Variants in ZNFX1 observed in about 807,000 individuals in gnomAD.
ZNFX1 encodes zinc finger NFX1-type containing 1, also known as NFX1-type zinc finger-containing protein 1.
Under a neutral mutation model 179.8 loss-of-function variants are expected in ZNFX1, and 78 were observed. That is an observed-to-expected ratio of 0.43 (90% CI 0.36 to 0.52). The LOEUF (loss-of-function observed/expected upper bound fraction) is 0.52. ZNFX1 is among the 20% of genes least tolerant of loss of function. The pLI, the probability that ZNFX1 is intolerant of heterozygous loss-of-function variation, is 0.00. For synonymous variants in ZNFX1, 848 were observed against 868.5 expected, an observed-to-expected ratio of 0.98 and a Z score of 0.42; for missense variants, 1,927 against 2,386.6, an observed-to-expected ratio of 0.81 and a Z score of 4.01.
Position 49,247,920 on chromosome 20 carries a change from C to A in ZNFX1, c.5104G>T (p.Val1702Phe). The A allele has an allele frequency of 6.2e-7, 1 of 1,614,164 alleles. No homozygotes were observed. Among genetic ancestry groups the A allele is most frequent in the Non-Finnish European group, 8.5e-7 (1 of 1,180,030 alleles). Reference protein sequence around the residue: ...KNLSVKDLGLVENYISFYDHL... With the variant: ...KNLSVKDLGLFENYISFYDHL... ...TCATAGAAGCTGATGTAATTCTCAA[C>A]CAGACCCAGGTCCTTCACTGACAGA... The change falls in exon 14 of 14, where the codon GTT (valine) becomes TTT (phenylalanine). Residue 1702 changes from valine to phenylalanine, a missense_variant. Transcript: ENST00000396105.
chr20:49,274,814 AATG>A (rs1238534970), intron 2 of ZNFX1, among the ~76,000 whole-genome samples: 2 of 151,584 alleles, frequency 1.3e-5, no homozygotes, highest in African/African-American at 4.8e-5. Context: ...TACGTTTTAA[AATG>A]ATGTTTCTAG....
At position 49,248,953 on chromosome 20, in the gene ZNFX1, A is replaced by C; in HGVS notation, c.4071T>G (p.His1357Gln). The C allele has an allele frequency of 6.2e-7, 1 of 1,614,238 alleles. No homozygotes were observed. The highest frequency in any genetic ancestry group is 8.5e-7 in the Non-Finnish European group (1 of 1,180,032). ...GCACGGAACAAGGGACCATTTGTTCATGGCCGCACCGAGGAATGGTTTTGG... is the reference window on the plus strand; with the variant it reads ...GCACGGAACAAGGGACCATTTGTTCCTGGCCGCACCGAGGAATGGTTTTGG... Reference protein sequence around the residue: ...KVPKTIPRCGHEQMVPCSVPE... With the variant: ...KVPKTIPRCGQEQMVPCSVPE... Residue 1357 changes from histidine to glutamine, a missense_variant, in exon 14 of 14, where the codon CAT becomes CAG. Coordinates refer to ENST00000396105, the MANE Select transcript of ZNFX1 (RefSeq NM_021035.3). The surrounding 1 kb of genome is among the most constrained non-coding windows in gnomAD (Gnocchi z 4.6).
intron 5 of ZNFX1, among the ~76,000 whole-genome samples, chr20:49,263,701 G>A (rs1312039551): frequency 6.6e-6 from 1 of 152,212 alleles, no homozygotes; most frequent in Non-Finnish European, 1.5e-5. Context: ...TGTAATACCA[G>A]CATTTTAGGA....
In ZNFX1 at chr20:49,249,484, C is replaced by T; in HGVS notation, c.3540G>A (p.Arg1180=). The T allele has an allele frequency of 6.2e-7, 1 of 1,614,154 alleles. No individual in the cohort carries two copies. The highest frequency in any genetic ancestry group is 1.1e-5 in the South Asian group (1 of 91,082). The part of the protein sequence containing the change: ...LMPAKTFAGV[R]VHVVDKYQGE... ...CTTGGTATTTGTCCACAACATGGAC[C>T]CTGACGCCAGCAAATGTCTTGGCAG... The change falls in exon 14 of 14, where the codon AGG becomes AGA. Residue 1180 remains arginine (R), a synonymous_variant. Coordinates refer to ENST00000396105, the MANE Select transcript of ZNFX1 (RefSeq NM_021035.3).
At chr20:49,250,115 C>T (rs1170362775) in intron 13 of ZNFX1, among the ~76,000 whole-genome samples, 5 of 151,952 alleles carry the variant, frequency 3.3e-5, no homozygotes, top group African/African-American at 4.8e-5. Context: ...ATTAGCTGGG[C>T]GTGGTAGTGG....
intron 7 of ZNFX1, 77 bp downstream of exon 7, chr20:49,260,386 A>G: frequency 1.1e-6 from 1 of 910,352 alleles, no homozygotes; most frequent in Non-Finnish European, 1.6e-6. Context: ...TCTGGGAATT[A>G]TTTTTAAGTC....
Position 49,251,632 on chromosome 20 carries a change from CACAT to C in ZNFX1, c.3217-14_3217-11del, listed in dbSNP as rs778921795. 5.6e-6 allele frequency: 9 copies of C among 1,601,194 alleles called. No homozygotes were observed. In the East Asian group the frequency reaches 9.0e-5, roughly 16 times the overall value. Reference sequence around the variant, plus strand: ...CAGGGCACATACGGTGCTGAAAAAACACATGCATGTCATTAGAAACATGGGCAGA... The same window carrying C: ...CAGGGCACATACGGTGCTGAAAAAACGCATGTCATTAGAAACATGGGCAGA... On this transcript the variant is annotated splice_polypyrimidine_tract_variant and intron_variant, in intron 12 of 13. Transcript: ENST00000396105.
chr20:49,253,768 C>T lies in ZNFX1; in HGVS notation c.3003G>A (p.Arg1001=). ...CCGCAGCTTCTTCCACTATGACAATCCTCGGCTCCACCTTCTGTAGGATCT... is the reference window on the plus strand; with the variant it reads ...CCGCAGCTTCTTCCACTATGACAATTCTCGGCTCCACCTTCTGTAGGATCT... ...YRQILQKVEP[R]IVIVEEAAEV... is the part of the protein sequence containing the mutation. The change falls in exon 11 of 14, where the codon AGG becomes AGA. Residue 1001 remains arginine (R), a synonymous_variant. Coordinates refer to ENST00000396105, the MANE Select transcript of ZNFX1 (RefSeq NM_021035.3). The T allele has an allele frequency of 1.9e-6, 3 of 1,614,188 alleles. No homozygotes were observed. Among genetic ancestry groups the T allele is most frequent in the Non-Finnish European group, 2.5e-6 (3 of 1,180,034 alleles).
rs748548111 is a variant in ZNFX1 at position 49,270,109 on chromosome 20, C to G, written c.1703G>C (p.Gly568Ala). The change falls in exon 3 of 14, where the codon GGG becomes GCG. Residue 568 changes from glycine to alanine, a missense_variant. Gly to Ala is a moderately conservative substitution (Grantham distance 60, BLOSUM62 0). Transcript: ENST00000396105. This position sits in a 1 kb window ranked among gnomAD's most constrained non-coding sequence, Gnocchi z 4.6. ...TPLIENPSATGEFLRNVEGLR... is the reference protein window; with the variant it reads ...TPLIENPSATAEFLRNVEGLR... ...ACCCTCGACATTTCTTAGAAATTCC[C>G]CAGTGGCTGAAGGATTCTCTATTAA... The G allele has an allele frequency of 1.9e-6, 3 of 1,614,080 alleles. No individual in the cohort carries two copies. In the African/African-American group the frequency reaches 4.0e-5, roughly 22 times the overall value.
At position 49,270,460 on chromosome 20, in the gene ZNFX1, C is replaced by T; in HGVS notation, c.1352G>A (p.Gly451Glu). 6.2e-7 allele frequency: 1 copy of T among 1,614,142 alleles called. No homozygotes were observed. Among genetic ancestry groups the T allele is most frequent in the Non-Finnish European group, 8.5e-7 (1 of 1,180,034 alleles). The change falls in exon 3 of 14, where the codon GGG (glycine) becomes GAG (glutamate). Residue 451 changes from glycine to glutamate, a missense_variant. Transcript: ENST00000396105. The surrounding 1 kb of genome is among the most constrained non-coding windows in gnomAD (Gnocchi z 4.6). ...GTCCTTGGACATGCATACCAAAGAC[C>T]CATAGAGCAATCGTTTGGAATTCTG... ...RWQNSKRLLY[G>E]SLVCMSKDNF...
At position 49,260,449 on chromosome 20, in the gene ZNFX1, C is replaced by T. The variant is rs1981086218; in HGVS notation, c.2416+14G>A. The stretch of plus-strand genomic sequence containing the variant: ...ACGTTAAGATTTGATTCTAGGAAGA[C>T]ATGCACTTCTTACCTGTATTCTCAG... On this transcript the variant is annotated intron_variant, in intron 7 of 13. Transcript: ENST00000396105. 2 of 1,575,002 alleles carry T rather than the reference C, an allele frequency of 1.3e-6. No individual in the cohort carries two copies. The highest frequency in any genetic ancestry group is 8.7e-7 in the Non-Finnish European group (1 of 1,147,854).
intron 1 of ZNFX1, among the ~76,000 whole-genome samples, chr20:49,276,589 C>A (rs1404268374): frequency 2.0e-5 from 3 of 152,214 alleles, no homozygotes; most frequent in Admixed American, 2.0e-4. Flanking sequence ...ATTTTTGACA[C>A]TGGTCCTGTA....
At position 49,262,830 on chromosome 20, in the gene ZNFX1, A is replaced by T. The variant is rs1331242219; in HGVS notation, c.2301+504T>A. On this transcript the variant is annotated intron_variant, in intron 6 of 13. Transcript: ENST00000396105. The stretch of plus-strand genomic sequence containing the variant: ...CCAAGTCACACAGTCAGTCTGCATG[A>T]CTATATCTATCAACTCCCAAGTTCT... Among the ~76,000 whole-genome samples the T allele has an allele frequency of 2.0e-5, 3 of 152,172 alleles. No homozygotes were observed. In the East Asian group the frequency reaches 5.8e-4, roughly 29 times the overall value.
intron 2 of ZNFX1, among the ~76,000 whole-genome samples, chr20:49,273,573 T>G (rs1981478922): frequency 6.6e-6 from 1 of 152,224 alleles, no homozygotes; most frequent in South Asian, 2.1e-4. Flanking sequence ...ACTTTTAATA[T>G]TTTTATCTGA....
chr20:49,253,659 G>A lies in ZNFX1; in HGVS notation c.3105+7C>T, dbSNP rs778694545. The A allele has an allele frequency of 1.1e-5, 17 of 1,613,778 alleles. No homozygotes were observed. In the South Asian group the frequency reaches 1.1e-4, roughly 10 times the overall value. On this transcript the variant is annotated splice_region_variant and intron_variant, in intron 11 of 13. Coordinates refer to ENST00000396105, the MANE Select transcript of ZNFX1 (RefSeq NM_021035.3). ...CAGCCCATCTTCTAGGGGGACTCTCGTTTTACCTGCTGGTGGTCCCCAATC... is the reference window on the plus strand; with the variant it reads ...CAGCCCATCTTCTAGGGGGACTCTCATTTTACCTGCTGGTGGTCCCCAATC...
intron 8 of ZNFX1, among the ~76,000 whole-genome samples, chr20:49,256,588 C>T (rs1450636666): frequency 2.0e-5 from 3 of 152,124 alleles, no homozygotes; most frequent in African/African-American, 4.8e-5. Flanking sequence ...TTAGAAGGCT[C>T]GCAAGTCAGA....
chr20:49,270,766 T>G lies in ZNFX1; in HGVS notation c.1046A>C (p.Glu349Ala). The G allele has an allele frequency of 6.2e-7, 1 of 1,614,194 alleles. No individual in the cohort carries two copies. Among genetic ancestry groups the G allele is most frequent in the Non-Finnish European group, 8.5e-7 (1 of 1,180,034 alleles). Residue 349 changes from glutamate to alanine, a missense_variant, in exon 3 of 14, where the codon GAG becomes GCG. Coordinates refer to ENST00000396105, the MANE Select transcript of ZNFX1 (RefSeq NM_021035.3). The surrounding 1 kb of genome is among the most constrained non-coding windows in gnomAD (Gnocchi z 4.6). Reference sequence around the variant, plus strand: ...GATATTGGGGCGAAGGAAGGGCCTCTCATCCAAGTGCACTTCATTGTAGGT... The same window carrying G: ...GATATTGGGGCGAAGGAAGGGCCTCGCATCCAAGTGCACTTCATTGTAGGT... ...YPTYNEVHLD[E>A]RPFLRPNIIS...
chr20:49,249,886 T>C (rs915950793), intron 13 of ZNFX1, among the ~76,000 whole-genome samples, 175 bp from the exon 14 acceptor site: 4 of 152,326 alleles, frequency 2.6e-5, no homozygotes, highest in South Asian at 2.1e-4. Flanking sequence ...GTGCTTCATT[T>C]TGGGGCCACA....
At chr20:49,272,849 T>C (rs1046635548) in intron 2 of ZNFX1, among the ~76,000 whole-genome samples, 1 of 152,172 alleles carries the variant, frequency 6.6e-6, no homozygotes, top group East Asian at 1.9e-4. Flanking sequence ...TCATAGTACT[T>C]ACCAATTACC....
Sources: allele counts gnomAD v4.1 joint callset (sites outside exome capture counted in the v4.1 genomes callset), GRCh38; gene constraint gnomAD v4.1.1; non-coding constraint Gnocchi (gnomAD v3.1); transcripts MANE v1.5; gene names NCBI Gene and HGNC (gene_info 2026-07-23, HGNC 2026-07-21).